ZBTB46: variants seen among roughly 807,000 people sequenced by gnomAD.
ZBTB46 encodes zinc finger and BTB domain-containing protein 46.
ZBTB46 carries 8 observed loss-of-function variants against 44.1 expected under a neutral mutation model. The observed-to-expected ratio is 0.18, with a 90% CI of 0.11 to 0.33. The LOEUF (loss-of-function observed/expected upper bound fraction) is 0.33. ZBTB46 is among the 10% of genes least tolerant of loss of function. The pLI, the probability that ZBTB46 is intolerant of heterozygous loss-of-function variation, is 1.00. For missense variants in ZBTB46, 651 were observed against 847.7 expected (o/e 0.77, Z 2.88); for synonymous variants, 409 against 382.3 (o/e 1.07, Z -0.81).
chr20:63,787,375 T>C lies in ZBTB46; in HGVS notation c.937+2446A>G, dbSNP rs1307377521. Reference sequence around the variant, plus strand: ...CAAGTGTTTATAAAGTCTGCAGCAGTGCACAGTTCTGTCCTCAGCCTTCAT... The same window carrying C: ...CAAGTGTTTATAAAGTCTGCAGCAGCGCACAGTTCTGTCCTCAGCCTTCAT... On this transcript the variant is annotated intron_variant, in intron 2 of 4. Coordinates refer to ENST00000245663, the MANE Select transcript of ZBTB46 (RefSeq NM_001369741.1). This position sits in a 1 kb window ranked among gnomAD's most constrained non-coding sequence, Gnocchi z 4.6. Among the ~76,000 whole-genome samples, 1 of 152,238 alleles carries C rather than the reference T, an allele frequency of 6.6e-6. No individual in the cohort carries two copies. Among genetic ancestry groups the C allele is most frequent in the Non-Finnish European group, 1.5e-5 (1 of 68,040 alleles).
intron 2 of ZBTB46, among the ~76,000 whole-genome samples, chr20:63,788,897 G>A (rs1443285250): frequency 2.7e-5 from 4 of 149,048 alleles, no homozygotes; most frequent in South Asian, 2.1e-4. Context: ...GTGCAATGGC[G>A]CGATCTCGGC....
chr20:63,795,367 C>A (rs2092594410), intron 1 of ZBTB46, among the ~76,000 whole-genome samples: 1 of 152,340 alleles, frequency 6.6e-6, no homozygotes, highest in South Asian at 2.1e-4. Context: ...GTGCACGGGA[C>A]GCTGCGCAGT....
Position 63,752,940 on chromosome 20 carries a change from C to CGT in ZBTB46, c.1223-80_1223-79insAC. 1 of 1,466,896 alleles carries CGT rather than the reference C, an allele frequency of 6.8e-7. No individual in the cohort carries two copies. Among genetic ancestry groups the CGT allele is most frequent in the Non-Finnish European group, 9.1e-7 (1 of 1,097,302 alleles). 90.9% of individuals were successfully genotyped at this position (1,466,896 alleles called of 1,614,324 possible). A position where few individuals can be genotyped will look rare whatever the true frequency, so the allele number is the denominator to read the frequency against. On this transcript the variant is annotated intron_variant, in intron 3 of 4. Coordinates refer to ENST00000245663, the MANE Select transcript of ZBTB46 (RefSeq NM_001369741.1). This position sits in a 1 kb window ranked among gnomAD's most constrained non-coding sequence, Gnocchi z 5.6. ...CGGCCCACAGACCACGGCTGCACGC[C>CGT]GCAGCCCAGCAGCCAGGACGGGCTG... is the stretch of plus-strand genomic sequence containing the variant.
At chr20:63,805,665 A>T (rs2092676546) in intron 1 of ZBTB46, among the ~76,000 whole-genome samples, 2 of 152,054 alleles carry the variant, frequency 1.3e-5, no homozygotes, top group Non-Finnish European at 2.9e-5. Context: ...AACTGAGAGG[A>T]GACACCTCTG....
At chr20:63,801,764 G>A (rs966718057) in intron 1 of ZBTB46, among the ~76,000 whole-genome samples, 6 of 152,052 alleles carry the variant, frequency 3.9e-5, no homozygotes, top group African/African-American at 7.2e-5. Flanking sequence ...CACTCACCGC[G>A]AGAGTCCATG....
At chr20:63,831,959 CTCGGCGCACCCGGAGA>C (rs1249759428), upstream of ZBTB46, among the ~76,000 whole-genome samples, 1 of 152,020 alleles carries the variant, frequency 6.6e-6, no homozygotes, top group African/African-American at 2.4e-5. Context: ...CCTCGGGGGC[CTCGGCGCACCCGGAGA>C]TCGGCGCACC....
chr20:63,756,283 C>A (rs2092219666), intron 3 of ZBTB46, among the ~76,000 whole-genome samples: 4 of 152,230 alleles, frequency 2.6e-5, no homozygotes. Context: ...CTGCAAGAAA[C>A]CAGCCGTGAA....
At chr20:63,826,135 G>A (rs913244) in intron 1 of ZBTB46, among the ~76,000 whole-genome samples, 1 of 152,234 alleles carries the variant, frequency 6.6e-6, no homozygotes, top group Non-Finnish European at 1.5e-5. Context: ...TGTGCAAGAG[G>A]CTTCATTTTC....
intron 1 of ZBTB46, 181 bp from the exon 2 acceptor site, chr20:63,790,971 C>G: frequency 1.2e-6 from 1 of 837,372 alleles, no homozygotes. Flanking sequence ...AGCAGGGCAG[C>G]AAACACCGGA....
rs955236778 is a variant in ZBTB46, at chr20:63,789,845, A to G, written c.913T>C (p.Trp305Arg). ...CTTGAGTCTCGGCTGCTGAACGGCC[A>G]CCCCGACGTCGGCAGGAAGGACGGC... ...PVPSFLPTSG[W>R]PFSSRDSNAD... The change falls in exon 2 of 5, where the codon TGG (tryptophan) becomes CGG (arginine). Residue 305 changes from tryptophan to arginine, a missense_variant. Transcript: ENST00000245663. 7 of 1,611,390 alleles carry G rather than the reference A, an allele frequency of 4.3e-6. No homozygotes were observed. In the African/African-American group the frequency reaches 9.3e-5, roughly 22 times the overall value.
intron 1 of ZBTB46, among the ~76,000 whole-genome samples, chr20:63,829,216 T>C (rs1394703536): frequency 6.6e-6 from 1 of 152,058 alleles, no homozygotes; most frequent in Non-Finnish European, 1.5e-5. Flanking sequence ...TGGGGGCCCT[T>C]AGGTAACAGT....
intron 1 of ZBTB46, among the ~76,000 whole-genome samples, chr20:63,815,555 TGGGTGCAGATGGGCAC>T (rs2146052476): frequency 2.0e-5 from 2 of 101,982 alleles, no homozygotes; most frequent in Non-Finnish European, 1.9e-5. Context: ...GCAGGTGCAG[TGGGTGCAGATGGGCAC>T]AGGTGCAGGT....
intron 1 of ZBTB46, among the ~76,000 whole-genome samples, chr20:63,811,359 T>G (rs1437290954): frequency 6.6e-6 from 1 of 151,572 alleles, no homozygotes; most frequent in Non-Finnish European, 1.5e-5. Context: ...AGCCTTCCTC[T>G]CCCCAGCCCC....
intron 1 of ZBTB46, among the ~76,000 whole-genome samples, chr20:63,827,196 C>T (rs889931870): frequency 6.6e-6 from 1 of 152,258 alleles, no homozygotes; most frequent in Non-Finnish European, 1.5e-5. Flanking sequence ...TCCGTGGGAA[C>T]TTTGTCACCA....
intron 1 of ZBTB46, among the ~76,000 whole-genome samples, chr20:63,830,596 G>A (rs938650835): frequency 6.7e-6 from 1 of 150,070 alleles, no homozygotes; most frequent in Non-Finnish European, 1.5e-5. Context: ...GGCGCGGGCG[G>A]CTCCGGGTGC....
At chr20:63,759,047 A>G (rs1220249244) in intron 3 of ZBTB46, among the ~76,000 whole-genome samples, 2 of 152,074 alleles carry the variant, frequency 1.3e-5, no homozygotes, top group African/African-American at 4.8e-5. Flanking sequence ...TCACATCTTA[A>G]CAATAGTGAG....
chr20:63,746,164 G>C lies in ZBTB46; in HGVS notation c.*766C>G, dbSNP rs1393193483. The C allele has an allele frequency of 1.3e-5, 2 of 152,852 alleles. No individual in the cohort carries two copies. Among genetic ancestry groups the C allele is most frequent in the Non-Finnish European group, 2.9e-5 (2 of 68,252 alleles). 9.5% of individuals were successfully genotyped at this position (152,852 alleles called of 1,614,324 possible). On this transcript the variant is annotated 3_prime_UTR_variant, in exon 5 of 5. Transcript: ENST00000245663. The stretch of plus-strand genomic sequence containing the variant: ...CCCGGGGTGGACGTGGCAGCCCAAG[G>C]CTCTCCGAGGAAGTGCACACGACTG...
At chr20:63,808,166 C>T (rs2092693979) in intron 1 of ZBTB46, 1 of 152,734 alleles carries the variant, frequency 6.5e-6, no homozygotes, top group Non-Finnish European at 1.5e-5. Flanking sequence ...GTAAGGACCC[C>T]ACCCAGATTA....
rs567489145 is a variant in ZBTB46, at chr20:63,815,706, C to T, written c.-34+15391G>A. ...TGCAGTGAGTGCAGGTGCAGGTGGG[C>T]GCAGGTCGAGTGGGTGCAGGTGCAG... On this transcript the variant is annotated intron_variant, in intron 1 of 4. Transcript: ENST00000245663. Among the ~76,000 whole-genome samples, 416 of 122,058 alleles carry T rather than the reference C, an allele frequency of 3.4e-3. 5 individuals are homozygous for T. Among genetic ancestry groups the T allele is most frequent in the Admixed American group, 0.016 (180 of 11,138 alleles). The allele number at this position is 122,058 out of a possible 152,430, so 80.1% of individuals were successfully genotyped here.
Sources: gnomAD v4.1 joint callset for allele counts (sites outside exome capture counted in the v4.1 genomes callset) on GRCh38, gnomAD v4.1.1 for gene constraint, Gnocchi (gnomAD v3.1) non-coding constraint, MANE v1.5 for transcripts, NCBI Gene and HGNC (gene_info 2026-07-23, HGNC 2026-07-21) for gene names.